Variants in IGF1 observed in about 807,000 individuals in gnomAD.
IGF1 encodes the protein insulin like growth factor 1.
A neutral mutation model predicts 13.8 loss-of-function variants in IGF1; 4 were observed. The ratio of observed to expected loss-of-function variants is 0.29; its 90% CI spans 0.14 to 0.66. IGF1 has a LOEUF of 0.66. IGF1 is among the 30% of genes least tolerant of loss of function. The pLI, the probability that IGF1 is intolerant of heterozygous loss-of-function variation, is 0.78. For missense variants in IGF1, 124 were observed against 188.5 expected (o/e 0.66, Z 2.00); for synonymous variants, 76 against 72.6 (o/e 1.05, Z -0.23).
At chr12:102,474,934 T>G (rs951427892) in intron 2 of IGF1, among the ~76,000 whole-genome samples, 15 of 152,172 alleles carry the variant, frequency 9.9e-5, no homozygotes, top group African/African-American at 3.6e-4. Flanking sequence ...AAGAGATAAG[T>G]GATTCTGTAC....
chr12:102,479,368 G>A (rs1341423863), intron 1 of IGF1, among the ~76,000 whole-genome samples: 4 of 152,156 alleles, frequency 2.6e-5, no homozygotes. Flanking sequence ...AATTGAATCG[G>A]TGGAGCCAGT....
chr12:102,415,827 T>A (rs2136985017), intron 3 of IGF1: 1 of 152,350 alleles, frequency 6.6e-6, no homozygotes, highest in Middle Eastern at 3.4e-3. Context: ...CTGCAGCTGG[T>A]CCCAAAGCAT....
chr12:102,444,139 A>G (rs1186404582), intron 2 of IGF1, among the ~76,000 whole-genome samples: 7 of 151,942 alleles, frequency 4.6e-5, no homozygotes, highest in Non-Finnish European at 8.8e-5. Context: ...AGTGCTCATA[A>G]TTCTGTGGCA....
intron 1 of IGF1, among the ~76,000 whole-genome samples, chr12:102,477,023 G>T (rs5742615): frequency 0.032 from 4,939 of 152,168 alleles, 320 homozygotes; most frequent in East Asian, 0.29. Context: ...GGTGAGGGGC[G>T]CTATTAAAAG....
At chr12:102,479,643 T>C (rs1429453604) in intron 1 of IGF1, among the ~76,000 whole-genome samples, 2 of 152,180 alleles carry the variant, frequency 1.3e-5, no homozygotes, top group Non-Finnish European at 2.9e-5. Flanking sequence ...TCTTAGAAAG[T>C]TTCTGCTTTC....
At chr12:102,457,214 CAA>C (rs1277010406) in intron 2 of IGF1, among the ~76,000 whole-genome samples, 1 of 152,196 alleles carries the variant, frequency 6.6e-6, no homozygotes, top group African/African-American at 2.4e-5. Context: ...CTTAAATTCT[CAA>C]ACTCTGCTTA....
intron 2 of IGF1, 41 bp downstream of exon 2, chr12:102,475,602 C>A: frequency 6.2e-7 from 1 of 1,610,784 alleles, no homozygotes; most frequent in Non-Finnish European, 8.5e-7. Flanking sequence ...GAGCTGTACA[C>A]TTTAGACTTG....
intron 2 of IGF1, among the ~76,000 whole-genome samples, chr12:102,429,023 C>T (rs1055770867): frequency 6.6e-6 from 1 of 152,134 alleles, no homozygotes; most frequent in African/African-American, 2.4e-5. Context: ...TTTTCAAATG[C>T]CATCCTCTTT....
chr12:102,471,582 G>A (rs905023371), intron 2 of IGF1, among the ~76,000 whole-genome samples: 6 of 152,122 alleles, frequency 3.9e-5, no homozygotes, highest in South Asian at 2.1e-4. Flanking sequence ...AATGCCATTC[G>A]TTTATTCAGA....
At chr12:102,420,815 A>T (rs568973914) in intron 2 of IGF1, among the ~76,000 whole-genome samples, 2 of 152,168 alleles carry the variant, frequency 1.3e-5, no homozygotes, top group African/African-American at 4.8e-5. Flanking sequence ...CTCAGGCTTT[A>T]TGGAAGAAAT....
chr12:102,436,122 A>C (rs1324586721), intron 2 of IGF1, among the ~76,000 whole-genome samples: 1 of 152,222 alleles, frequency 6.6e-6, no homozygotes, highest in Non-Finnish European at 1.5e-5. Flanking sequence ...GCAAAACAGA[A>C]GGAAAAAATA....
chr12:102,426,242 C>T (rs1410942535), intron 2 of IGF1, among the ~76,000 whole-genome samples: 2 of 152,188 alleles, frequency 1.3e-5, no homozygotes, highest in Non-Finnish European at 2.9e-5. Context: ...GCAAAGGACT[C>T]AACCTTCTAA....
chr12:102,433,573 G>A (rs574597084), intron 2 of IGF1, among the ~76,000 whole-genome samples: 1 of 152,056 alleles, frequency 6.6e-6, no homozygotes, highest in African/African-American at 2.4e-5. Context: ...CTGTATATTA[G>A]CCTTTTTTTT....
At chr12:102,411,756 G>A (rs1874664947) in intron 3 of IGF1, among the ~76,000 whole-genome samples, 1 of 152,176 alleles carries the variant, frequency 6.6e-6, no homozygotes, top group Non-Finnish European at 1.5e-5. Flanking sequence ...TTTTTCCGGA[G>A]TGATCATAAC....
In IGF1 at chr12:102,419,568, C is replaced by A. The variant is rs17884626; in HGVS notation, c.343G>T (p.Ala115Ser). The change falls in exon 3 of 4, where the codon GCC becomes TCC. Residue 115 changes from alanine to serine, a missense_variant. Physicochemically the swap from Ala to Ser is moderately conservative, Grantham distance 99 (BLOSUM62 1). Around this residue, in one of 2 missense-constraint regions of IGF1, gnomAD observed 99 missense variants for 171.4 expected, o/e 0.58. Coordinates refer to ENST00000337514, the MANE Select transcript of IGF1 (RefSeq NM_000618.5). ...GCACGGACAGAGCGAGCTGACTTGG[C>A]AGGCTTGAGGGGTGCGCAATACATC... ...LEMYCAPLKPAKSARSVRAQR... is the reference protein window; with the variant it reads ...LEMYCAPLKPSKSARSVRAQR... 3 of 1,613,948 alleles carry A rather than the reference C, an allele frequency of 1.9e-6. No individual in the cohort carries two copies. Among genetic ancestry groups the A allele is most frequent in the Admixed American group, 3.3e-5 (2 of 60,024 alleles).
At chr12:102,475,271 A>C (rs187787208) in intron 2 of IGF1, among the ~76,000 whole-genome samples, 100 of 152,258 alleles carry the variant, frequency 6.6e-4, no homozygotes, top group African/African-American at 2.4e-3. Context: ...GCAGCCCTGC[A>C]TGTGTTCCAT....
intron 2 of IGF1, among the ~76,000 whole-genome samples, chr12:102,421,944 C>T (rs5742672): frequency 4.6e-5 from 7 of 152,152 alleles, no homozygotes; most frequent in Admixed American, 3.9e-4. Context: ...ATATTCACTT[C>T]TTGGTGACTG....
intron 2 of IGF1, among the ~76,000 whole-genome samples, chr12:102,460,116 A>ATTTTTTT (rs374537630): frequency 1.3e-5 from 2 of 152,142 alleles, no homozygotes; most frequent in Non-Finnish European, 2.9e-5. Flanking sequence ...GGATTGCACC[A>ATTTTTTT]TTTTTTTCAT....
intron 2 of IGF1, among the ~76,000 whole-genome samples, chr12:102,448,685 A>T: frequency 2.3e-5 from 1 of 42,802 alleles, no homozygotes; most frequent in Admixed American, 2.7e-4. Flanking sequence ...AACTTAGAGT[A>T]TAATAAAAAA....
Sources: allele counts gnomAD v4.1 joint callset (sites outside exome capture counted in the v4.1 genomes callset), GRCh38; gene constraint gnomAD v4.1.1; regional missense constraint gnomAD v4.1.1; transcripts MANE v1.5; gene names NCBI Gene and HGNC (gene_info 2026-07-23, HGNC 2026-07-21).